Variants in NCOA3 observed in about 807,000 individuals in gnomAD.
NCOA3 encodes CBP-interacting protein.
Under a neutral mutation model 158.8 loss-of-function variants are expected in NCOA3, and 51 were observed. The observed-to-expected ratio is 0.32, with a 90% CI of 0.26 to 0.41. The LOEUF is 0.41. Ranked by LOEUF, NCOA3 falls within the 10% of genes least tolerant of loss-of-function variation. The pLI is 1.00. For synonymous variants in NCOA3, 537 were observed against 592.4 expected (o/e 0.91, Z 1.36); for missense variants, 1,510 against 1,746.6 (o/e 0.86, Z 2.41).
At chr20:47,525,563 C>T (rs1367970964) in intron 1 of NCOA3, among the ~76,000 whole-genome samples, 1 of 134,436 alleles carries the variant, frequency 7.4e-6, no homozygotes, top group African/African-American at 3.0e-5. Flanking sequence ...GGACGGGGGG[C>T]TGACCCCCCC....
intron 1 of NCOA3, among the ~76,000 whole-genome samples, chr20:47,518,864 G>A (rs933310271): frequency 2.0e-5 from 3 of 152,092 alleles, no homozygotes; most frequent in African/African-American, 4.8e-5. Flanking sequence ...TGACTGGTGC[G>A]GTGGCTCACG....
At chr20:47,560,277 A>C (rs938353898) in intron 1 of NCOA3, among the ~76,000 whole-genome samples, 27 of 152,064 alleles carry the variant, frequency 1.8e-4, no homozygotes, top group African/African-American at 6.5e-4. Context: ...GGGTTTCACC[A>C]TGTTGGCCAG....
chr20:47,629,851 T>C (rs1326767834), intron 8 of NCOA3, among the ~76,000 whole-genome samples: 1 of 152,234 alleles, frequency 6.6e-6, no homozygotes, highest in Non-Finnish European at 1.5e-5. Flanking sequence ...AGTAGCATCT[T>C]TGAAAATTAT....
At chr20:47,619,921 A>C (rs1010880586) in intron 2 of NCOA3, among the ~76,000 whole-genome samples, 1 of 151,366 alleles carries the variant, frequency 6.6e-6, no homozygotes, top group Non-Finnish European at 1.5e-5. Flanking sequence ...TCAGCCTCCC[A>C]AGTAGCTGGG....
chr20:47,551,555 C>T (rs1222055477), intron 1 of NCOA3, among the ~76,000 whole-genome samples: 1 of 152,134 alleles, frequency 6.6e-6, no homozygotes, highest in African/African-American at 2.4e-5. Context: ...AATTTTAAGA[C>T]CCCTCACCTC....
chr20:47,597,753 T>C (rs997557979), intron 2 of NCOA3, among the ~76,000 whole-genome samples: 4 of 151,104 alleles, frequency 2.6e-5, no homozygotes, highest in African/African-American at 4.9e-5. Flanking sequence ...CCTCCCAAAG[T>C]GCTGGGATTA....
chr20:47,569,855 A>C (rs79476252), intron 1 of NCOA3, among the ~76,000 whole-genome samples: 1,805 of 151,722 alleles, frequency 0.012, 40 homozygotes, highest in African/African-American at 0.042. Flanking sequence ...CTAAAAATAC[A>C]AAAAATTAGC....
In NCOA3 at chr20:47,559,547, T is replaced by C. The variant is rs2085065538; in HGVS notation, c.-98-23636T>C. On this transcript the variant is annotated intron_variant, in intron 1 of 22. Coordinates refer to ENST00000371998, the MANE Select transcript of NCOA3 (RefSeq NM_181659.3). ...TTCTTACTAAATGTCCTTTGCAGTC[T>C]TTTTTTCTTCCCCAGAATAGGGCAC... 2.0e-5 allele frequency among the ~76,000 whole-genome samples: 3 copies of C among 152,102 alleles called. No individual in the cohort carries two copies. In the South Asian group the frequency reaches 6.2e-4, roughly 32 times the overall value.
At chr20:47,604,528 T>C (rs1369405440) in intron 2 of NCOA3, among the ~76,000 whole-genome samples, 1 of 152,278 alleles carries the variant, frequency 6.6e-6, no homozygotes, top group Non-Finnish European at 1.5e-5. Context: ...AAATTATTTA[T>C]AATTCGTGAA....
intron 1 of NCOA3, among the ~76,000 whole-genome samples, chr20:47,560,505 A>G (rs189670995): frequency 1.3e-5 from 2 of 152,218 alleles, no homozygotes; most frequent in South Asian, 2.1e-4. Context: ...TATCATTTGT[A>G]TGCTCACCAG....
chr20:47,599,696 T>G (rs754128657), intron 2 of NCOA3, among the ~76,000 whole-genome samples: 1 of 152,206 alleles, frequency 6.6e-6, no homozygotes, highest in African/African-American at 2.4e-5. Context: ...ATTTCAAAAA[T>G]AAGATGTTAA....
chr20:47,639,942 A>G lies in NCOA3; in HGVS notation c.2971A>G (p.Met991Val). The change falls in exon 16 of 23, where the codon ATG becomes GTG. Residue 991 changes from methionine to valine, a missense_variant. This residue lies in a region of NCOA3 where 1,017 missense variants were observed against 1,098.3 expected (regional missense o/e 0.93). Coordinates refer to ENST00000371998, the MANE Select transcript of NCOA3 (RefSeq NM_181659.3). Reference protein sequence around the residue: ...MLQMRPGEIPMGMGANPYGQA... With the variant: ...MLQMRPGEIPVGMGANPYGQA... ...TCCCCCAGGGCCTGGTGAAATCCCC[A>G]TGGGAATGGGGGCTAATCCCTATGG... The G allele has an allele frequency of 6.2e-7, 1 of 1,614,122 alleles. No homozygotes were observed. The highest frequency in any genetic ancestry group is 8.5e-7 in the Non-Finnish European group (1 of 1,180,016).
At chr20:47,503,547 A>G (rs914797285) in intron 1 of NCOA3, among the ~76,000 whole-genome samples, 1 of 152,178 alleles carries the variant, frequency 6.6e-6, no homozygotes, top group African/African-American at 2.4e-5. Context: ...TTCATTTGAA[A>G]CCACTTCTGT....
chr20:47,549,560 CAAAAA>C (rs763889456), intron 1 of NCOA3, among the ~76,000 whole-genome samples: 3 of 55,138 alleles, frequency 5.4e-5, no homozygotes, highest in Non-Finnish European at 8.2e-5. Flanking sequence ...GACTCTGTCT[CAAAAA>C]AAAAAAAAAA....
chr20:47,649,192 G>C (rs772808872), intron 19 of NCOA3, 83 bp downstream of exon 19: 302 of 742,878 alleles, frequency 4.1e-4, no homozygotes, highest in Admixed American at 5.4e-4. Flanking sequence ...GTAAATGTTT[G>C]TTAAACAAAT....
Position 47,642,315 on chromosome 20 carries a change from C to A in NCOA3, c.3183C>A (p.Leu1061=). 2 of 1,613,574 alleles carry A rather than the reference C, an allele frequency of 1.2e-6. No individual in the cohort carries two copies. The highest frequency in any genetic ancestry group is 1.7e-6 in the Non-Finnish European group (2 of 1,179,900). ...TATTGGACCAGCTGCACACTCTTCT[C>A]AGCAACACAGATGCCACAGGCCTGG... The part of the protein sequence containing the change: ...RALLDQLHTL[L]SNTDATGLEE... Residue 1061 remains leucine, a synonymous_variant, in exon 17 of 23, where the codon CTC becomes CTA. Coordinates refer to ENST00000371998, the MANE Select transcript of NCOA3 (RefSeq NM_181659.3).
intron 2 of NCOA3, among the ~76,000 whole-genome samples, chr20:47,610,408 C>T (rs2086024397): frequency 6.6e-6 from 1 of 152,080 alleles, no homozygotes; most frequent in South Asian, 2.1e-4. Context: ...TTTGCAGAGA[C>T]AGAATCTCAC....
chr20:47,554,693 C>T (rs1241842905), intron 1 of NCOA3, among the ~76,000 whole-genome samples: 1 of 151,844 alleles, frequency 6.6e-6, no homozygotes, highest in Non-Finnish European at 1.5e-5. Flanking sequence ...AACCACTGCT[C>T]AATGAAATAA....
chr20:47,576,037 ATTAG>A (rs1262983809), intron 1 of NCOA3, among the ~76,000 whole-genome samples: 2 of 152,198 alleles, frequency 1.3e-5, no homozygotes, highest in African/African-American at 4.8e-5. Context: ...ATTTACATAA[ATTAG>A]TTAGGGAGCA....
Sources: allele counts gnomAD v4.1 joint callset (sites outside exome capture counted in the v4.1 genomes callset), GRCh38; gene constraint gnomAD v4.1.1; regional missense constraint gnomAD v4.1.1; transcripts MANE v1.5; gene names NCBI Gene and HGNC (gene_info 2026-07-23, HGNC 2026-07-21).